Variants in PRKCA observed in about 807,000 individuals in gnomAD.
PRKCA encodes protein kinase C alpha type.
A neutral mutation model predicts 87.0 loss-of-function variants in PRKCA; 27 were observed. That is an observed-to-expected ratio of 0.31 (90% CI 0.23 to 0.43). The LOEUF is 0.43. Among genes scored for constraint, PRKCA ranks in the 20% least tolerant of loss-of-function variants. The probability of loss-of-function intolerance (pLI) is 1.00; values close to 1 mark genes in which losing one functional copy is unlikely to be tolerated. For synonymous variants in PRKCA, 329 were observed against 311.1 expected (o/e 1.06, Z -0.61); for missense variants, 518 against 852.3 (o/e 0.61, Z 4.88).
intron 2 of PRKCA, among the ~76,000 whole-genome samples, chr17:66,495,944 C>T (rs1041413931): frequency 6.6e-6 from 1 of 152,172 alleles, no homozygotes; most frequent in Non-Finnish European, 1.5e-5. Context: ...TGATTCTCCT[C>T]TCCCTCAACT....
At chr17:66,712,557 G>A in intron 8 of PRKCA, among the ~76,000 whole-genome samples, 1 of 152,120 alleles carries the variant, frequency 6.6e-6, no homozygotes, top group East Asian at 1.9e-4. Context: ...CACCTCCCTG[G>A]GTTCTTGCCT....
chr17:66,793,590 C>CA (rs1168440797), intron 16 of PRKCA, among the ~76,000 whole-genome samples: 740 of 51,390 alleles, frequency 0.014, 25 homozygotes, highest in Non-Finnish European at 0.022. Flanking sequence ...AACTCCGTCT[C>CA]AAAAAAAAAA....
intron 3 of PRKCA, among the ~76,000 whole-genome samples, chr17:66,523,967 G>A (rs190010007): frequency 1.3e-4 from 20 of 152,290 alleles, no homozygotes; most frequent in East Asian, 3.9e-4. Context: ...AAAACTGTCA[G>A]CAGGGTGTAG....
At chr17:66,509,524 G>A (rs916982213) in intron 3 of PRKCA, among the ~76,000 whole-genome samples, 2 of 152,200 alleles carry the variant, frequency 1.3e-5, no homozygotes, top group South Asian at 4.1e-4. Context: ...GGGAGAGGCA[G>A]TCTTTTTGTT....
chr17:66,789,020 C>G (rs370060796), intron 16 of PRKCA, 41 bp downstream of exon 16: 1 of 1,612,146 alleles, frequency 6.2e-7, no homozygotes, highest in Non-Finnish European at 8.5e-7. Flanking sequence ...ACCCCATGTC[C>G]CCAAATTCTG....
At chr17:66,429,248 G>A (rs1912976423) in intron 2 of PRKCA, among the ~76,000 whole-genome samples, 1 of 152,160 alleles carries the variant, frequency 6.6e-6, no homozygotes, top group South Asian at 2.1e-4. Flanking sequence ...GGCTGCTTCA[G>A]TAGTCAAGCT....
At chr17:66,738,919 T>TG (rs1438165150) in intron 11 of PRKCA, 64 bp downstream of exon 11, 2 of 1,331,414 alleles carry the variant, frequency 1.5e-6, no homozygotes, top group Non-Finnish European at 2.1e-6. Flanking sequence ...GAAACTTCCT[T>TG]TTTTCCCCCC....
intron 3 of PRKCA, among the ~76,000 whole-genome samples, chr17:66,595,458 T>C (rs953747746): frequency 1.6e-5 from 2 of 122,472 alleles, no homozygotes; most frequent in Admixed American, 9.1e-5. Context: ...TATTTTCTTT[T>C]CCTTCTTTTT....
At chr17:66,473,090 CTCCCCCAT>C (rs1311337687) in intron 2 of PRKCA, among the ~76,000 whole-genome samples, 2 of 152,134 alleles carry the variant, frequency 1.3e-5, no homozygotes, top group East Asian at 3.9e-4. Flanking sequence ...CACTCCCCCA[CTCCCCCAT>C]TCCCCCATTC....
At chr17:66,481,930 A>ATC (rs773463380) in intron 2 of PRKCA, among the ~76,000 whole-genome samples, 1 of 151,814 alleles carries the variant, frequency 6.6e-6, no homozygotes, top group Non-Finnish European at 1.5e-5. Flanking sequence ...GTGAAACCCC[A>ATC]TCTCTACTAA....
At chr17:66,676,638 T>G (rs1194626233) in intron 5 of PRKCA, 1 of 152,260 alleles carries the variant, frequency 6.6e-6, no homozygotes, top group Admixed American at 6.5e-5. Flanking sequence ...CGGGGAAGCC[T>G]GAACAAGGTG....
At chr17:66,469,423 A>T (rs1915228054) in intron 2 of PRKCA, among the ~76,000 whole-genome samples, 2 of 152,214 alleles carry the variant, frequency 1.3e-5, no homozygotes, top group Admixed American at 1.3e-4. Context: ...GATAGAAATA[A>T]ATAATATTGA....
chr17:66,587,523 A>C (rs1371800616), intron 3 of PRKCA, among the ~76,000 whole-genome samples: 2 of 151,958 alleles, frequency 1.3e-5, no homozygotes, highest in African/African-American at 4.8e-5. Context: ...CGTTTTCCTA[A>C]TGGAGGACAG....
At chr17:66,801,994 G>A (rs1409322872) in intron 16 of PRKCA, among the ~76,000 whole-genome samples, 1 of 152,212 alleles carries the variant, frequency 6.6e-6, no homozygotes, top group Non-Finnish European at 1.5e-5. Context: ...GCCAAGGCCA[G>A]CAGATTGCTT....
chr17:66,618,113 C>T (rs557201089), intron 3 of PRKCA, among the ~76,000 whole-genome samples: 37 of 152,138 alleles, frequency 2.4e-4, no homozygotes, highest in Non-Finnish European at 4.6e-4. Context: ...CCAACACTTT[C>T]GGAGGCCGAG....
intron 14 of PRKCA, chr17:66,775,284 C>T (rs935317454): frequency 3.0e-6 from 3 of 985,100 alleles, no homozygotes; most frequent in Non-Finnish European, 3.6e-6. Flanking sequence ...GCCCTACTAC[C>T]TTTTAGGGTC....
At chr17:66,545,492 TAGTA>T (rs1968122299) in intron 3 of PRKCA, among the ~76,000 whole-genome samples, 1 of 152,224 alleles carries the variant, frequency 6.6e-6, no homozygotes, top group Non-Finnish European at 1.5e-5. Flanking sequence ...TGTATCCTTG[TAGTA>T]AGACTGTTAT....
chr17:66,423,800 C>T lies in PRKCA; in HGVS notation c.206-72401C>T, dbSNP rs570349800. On this transcript the variant is annotated intron_variant, in intron 2 of 16. Coordinates refer to ENST00000413366, the MANE Select transcript of PRKCA (RefSeq NM_002737.3). ...AACTCTAATTAGTCTGGGAGCGCTTCCCTGGAGCCGAATGTGTTTAAGAAT... is the reference window on the plus strand; with the variant it reads ...AACTCTAATTAGTCTGGGAGCGCTTTCCTGGAGCCGAATGTGTTTAAGAAT... 1.5e-4 allele frequency among the ~76,000 whole-genome samples: 22 copies of T among 145,506 alleles called. 1 individual carries two copies. Among genetic ancestry groups the T allele is most frequent in the African/African-American group, 5.4e-4 (22 of 41,056 alleles).
At chr17:66,703,212 A>C (rs1973104285) in intron 8 of PRKCA, 1 of 152,214 alleles carries the variant, frequency 6.6e-6, no homozygotes, top group African/African-American at 2.4e-5. Context: ...ATAACACTTA[A>C]AACACAAATA....
Sources: gnomAD v4.1 joint callset for allele counts (sites outside exome capture counted in the v4.1 genomes callset) on GRCh38, gnomAD v4.1.1 for gene constraint, MANE v1.5 for transcripts, NCBI Gene and HGNC (gene_info 2026-07-23, HGNC 2026-07-21) for gene names.